Variants in FAM184B observed in about 807,000 individuals in gnomAD.
FAM184B encodes the protein family with sequence similarity 184 member B.
Under a neutral mutation model 135.9 loss-of-function variants are expected in FAM184B, and 111 were observed. That is an observed-to-expected ratio of 0.82 (90% CI 0.70 to 0.96). The LOEUF is 0.96. FAM184B is among the 40% of genes least tolerant of loss of function. The pLI, the probability that FAM184B is intolerant of heterozygous loss-of-function variation, is 0.00. For missense variants in FAM184B, 1,375 were observed against 1,323.9 expected (o/e 1.04, Z -0.60); for synonymous variants, 552 against 524.8 (o/e 1.05, Z -0.71).
chr4:17,722,319 G>C (rs1717548766), intron 1 of FAM184B, among the ~76,000 whole-genome samples: 1 of 152,202 alleles, frequency 6.6e-6, no homozygotes, highest in Non-Finnish European at 1.5e-5. Context: ...GGAAGCCCTG[G>C]ATTCGGGTGC....
intron 7 of FAM184B, among the ~76,000 whole-genome samples, chr4:17,671,936 TTCAG>T (rs1235117744): frequency 5.2e-4 from 63 of 121,814 alleles, no homozygotes; most frequent in Non-Finnish European, 1.8e-4. Context: ...CTGGAAATAA[TTCAG>T]TCAAAGATGC....
intron 13 of FAM184B, among the ~76,000 whole-genome samples, 157 bp from the exon 14 acceptor site, chr4:17,639,553 C>CT (rs749643801): frequency 4.6e-5 from 7 of 152,184 alleles, no homozygotes; most frequent in Non-Finnish European, 1.0e-4. Flanking sequence ...GCTGAAGTCT[C>CT]TTGAGTTGTG....
chr4:17,633,487 T>C (rs1715025622), intron 17 of FAM184B: 2 of 477,018 alleles, frequency 4.2e-6, no homozygotes, highest in Admixed American at 7.8e-5. Context: ...GTAATTTGAA[T>C]TCAGACCTCC....
In FAM184B at chr4:17,632,201, A is replaced by AGT. The variant is rs553605766; in HGVS notation, c.*329_*330dup. The AGT allele has an allele frequency of 2.9e-3, 461 of 160,926 alleles. 1 individual carries two copies. Among genetic ancestry groups the AGT allele is most frequent in the Non-Finnish European group, 2.1e-3 (153 of 73,520 alleles). 10.0% of individuals were successfully genotyped at this position (160,926 alleles called of 1,614,324 possible). On this transcript the variant is annotated 3_prime_UTR_variant, in exon 18 of 18. Coordinates refer to ENST00000265018, the MANE Select transcript of FAM184B (RefSeq NM_015688.2). ...GTGATCCTCCCGCCTCAGTCCCCCA[A>AGT]GTACCTGGGACCACAGGCACACGCC...
chr4:17,639,018 G>T (rs1715230284), intron 14 of FAM184B, among the ~76,000 whole-genome samples: 1 of 152,122 alleles, frequency 6.6e-6, no homozygotes, highest in South Asian at 2.1e-4. Context: ...ATTTTCAGTA[G>T]AGATGGGGTT....
At chr4:17,772,164 GA>G (rs1718832946) in intron 1 of FAM184B, among the ~76,000 whole-genome samples, 1 of 152,136 alleles carries the variant, frequency 6.6e-6, no homozygotes, top group Admixed American at 6.5e-5. Context: ...AAAGAAGGGT[GA>G]AAAGTTGCCC....
intron 14 of FAM184B, 148 bp downstream of exon 14, chr4:17,639,102 G>A (rs1715232414): frequency 2.6e-6 from 2 of 759,186 alleles, no homozygotes; most frequent in East Asian, 5.4e-5. Flanking sequence ...CCAAAGTGCT[G>A]GATTCCAGGC....
intron 8 of FAM184B, among the ~76,000 whole-genome samples, chr4:17,664,330 G>T (rs1715994105): frequency 6.6e-6 from 1 of 152,142 alleles, no homozygotes; most frequent in Admixed American, 6.5e-5. Flanking sequence ...TTGAGCTCCA[G>T]GTTCTTAAGC....
chr4:17,775,789 AAAT>A (rs1718913581), intron 1 of FAM184B, among the ~76,000 whole-genome samples: 1 of 152,192 alleles, frequency 6.6e-6, no homozygotes, highest in Non-Finnish European at 1.5e-5. Context: ...AGTGGGAACT[AAAT>A]AATGTGTACA....
intron 1 of FAM184B, among the ~76,000 whole-genome samples, chr4:17,734,321 A>G (rs1437623742): frequency 5.3e-5 from 8 of 152,230 alleles, no homozygotes; most frequent in African/African-American, 1.9e-4. Flanking sequence ...AAAAGCCAAA[A>G]TTGACAAGTG....
chr4:17,766,055 G>C (rs555924380), intron 1 of FAM184B, among the ~76,000 whole-genome samples: 10 of 152,206 alleles, frequency 6.6e-5, no homozygotes, highest in African/African-American at 2.4e-4. Context: ...AGCTCATAAA[G>C]GAAGTGCAGG....
intron 1 of FAM184B, among the ~76,000 whole-genome samples, chr4:17,758,811 G>A (rs1400502135): frequency 6.6e-6 from 1 of 152,004 alleles, no homozygotes; most frequent in Admixed American, 6.6e-5. Context: ...CTGGCACATC[G>A]ATCGTGGTGT....
intron 7 of FAM184B, among the ~76,000 whole-genome samples, chr4:17,669,205 T>A (rs1273260020): frequency 6.6e-6 from 1 of 152,162 alleles, no homozygotes; most frequent in African/African-American, 2.4e-5. Context: ...ACTAAGCAGA[T>A]TATAACCTAC....
chr4:17,696,955 T>C (rs1716880217), intron 5 of FAM184B, among the ~76,000 whole-genome samples: 1 of 152,142 alleles, frequency 6.6e-6, no homozygotes, highest in Non-Finnish European at 1.5e-5. Context: ...TTAAGAACCA[T>C]GTTAAGGAAT....
chr4:17,649,769 CCT>C (rs1443541946), intron 11 of FAM184B, among the ~76,000 whole-genome samples: 1 of 152,042 alleles, frequency 6.6e-6, no homozygotes, highest in East Asian at 1.9e-4. Flanking sequence ...TCTTTACCCT[CCT>C]CTCTCATACC....
chr4:17,739,279 T>C, intron 1 of FAM184B, among the ~76,000 whole-genome samples: 1 of 152,066 alleles, frequency 6.6e-6, no homozygotes, highest in East Asian at 1.9e-4. Context: ...CGGATCCCCT[T>C]CCAGGCAGAG....
chr4:17,767,122 G>A (rs369567875), intron 1 of FAM184B, among the ~76,000 whole-genome samples: 9 of 152,262 alleles, frequency 5.9e-5, no homozygotes, highest in East Asian at 3.9e-4. Flanking sequence ...CCGAGCCAAC[G>A]CCCACCCGGA....
intron 1 of FAM184B, among the ~76,000 whole-genome samples, chr4:17,736,093 T>TATATC (rs1486148061): frequency 6.6e-6 from 1 of 152,212 alleles, no homozygotes; most frequent in Admixed American, 6.5e-5. Context: ...CATCTTCCTA[T>TATATC]ACCTTCTCTC....
intron 11 of FAM184B, among the ~76,000 whole-genome samples, chr4:17,650,078 GTCCA>G (rs34362158): frequency 2.7e-4 from 41 of 149,338 alleles, no homozygotes; most frequent in South Asian, 1.7e-3. Context: ...TTGTCTGTCT[GTCCA>G]TCCATCCATC....
Sources: allele counts gnomAD v4.1 joint callset (sites outside exome capture counted in the v4.1 genomes callset), GRCh38; gene constraint gnomAD v4.1.1; transcripts MANE v1.5; gene names NCBI Gene and HGNC (gene_info 2026-07-23, HGNC 2026-07-21).